The following LNPK variants were observed in gnomAD, a reference collection of about 807,000 sequenced individuals.
The protein encoded by LNPK is endoplasmic reticulum junction formation protein lunapark.
In LNPK, 29 loss-of-function variants were observed where a neutral mutation model predicts 55.2. The observed-to-expected ratio is 0.53, with a 90% CI of 0.39 to 0.72. The LOEUF is 0.72. Among genes scored for constraint, LNPK ranks in the 30% least tolerant of loss-of-function variants. LNPK has a pLI of 0.00. For synonymous variants in LNPK, 162 were observed against 168.2 expected (o/e 0.96, Z 0.29); for missense variants, 467 against 494.8 (o/e 0.94, Z 0.53).
chr2:175,991,631 T>G (rs1687706747), intron 4 of LNPK, among the ~76,000 whole-genome samples: 1 of 152,210 alleles, frequency 6.6e-6, no homozygotes, highest in South Asian at 2.1e-4. Flanking sequence ...AGTCAGAGAA[T>G]TTTGTATTTT....
rs1252466123 is a variant in LNPK at position 175,928,565 on chromosome 2, AT to A, written c.*1401del. The A allele has an allele frequency of 6.6e-6, 1 of 151,036 alleles. No individual in the cohort carries two copies. Among genetic ancestry groups the A allele is most frequent in the African/African-American group, 2.4e-5 (1 of 41,198 alleles). The allele number at this position is 151,036 out of a possible 1,614,324, so 9.4% of individuals were successfully genotyped here. ...ATGAGATATTAAATCATAAAAATAG[AT>A]TTTTAAATGATAAAAATGTTTTGTT... is the stretch of plus-strand genomic sequence containing the variant. On this transcript the variant is annotated 3_prime_UTR_variant, in exon 13 of 13. Transcript: ENST00000272748.
intron 11 of LNPK, 144 bp from the exon 12 acceptor site, chr2:175,937,658 G>A (rs1684621033): frequency 1.7e-6 from 1 of 584,118 alleles, no homozygotes; most frequent in Non-Finnish European, 3.0e-6. Flanking sequence ...TAATAATATG[G>A]TAGATGCTCT....
Position 175,995,609 on chromosome 2 carries a change from A to T in LNPK, c.-25T>A, listed in dbSNP as rs77084246. The T allele has an allele frequency of 4.9e-3, 7,758 of 1,588,446 alleles. 323 individuals are homozygous for T. The African/African-American group carries it at 0.087, about 18-fold the overall frequency. ...TCTTTTATTTGTAGAAACTGGGCAC[A>T]ATGATAAATATCATCAATTGTCCAA... On this transcript the variant is annotated 5_prime_UTR_variant, in exon 2 of 13. Transcript: ENST00000272748.
intron 9 of LNPK, among the ~76,000 whole-genome samples, chr2:175,942,593 A>C (rs1229994608): frequency 1.3e-5 from 2 of 152,114 alleles, no homozygotes; most frequent in Middle Eastern, 3.2e-3. Context: ...CCCAGGATTC[A>C]AAGAAAAAAT....
intron 8 of LNPK, among the ~76,000 whole-genome samples, chr2:175,956,242 T>C (rs2105594663): frequency 7.0e-6 from 1 of 142,520 alleles, no homozygotes; most frequent in South Asian, 2.2e-4. Context: ...ATGACACCAC[T>C]GCACTCCAGC....
chr2:175,989,191 C>T (rs1459569743), intron 4 of LNPK, among the ~76,000 whole-genome samples: 31 of 152,120 alleles, frequency 2.0e-4, no homozygotes, highest in Admixed American at 2.0e-3. Context: ...ACATGTGCTA[C>T]TTGTGGGGAG....
intron 1 of LNPK, 140 bp downstream of exon 1, chr2:176,002,020 G>C: frequency 3.4e-6 from 1 of 294,030 alleles, no homozygotes; most frequent in Non-Finnish European, 6.7e-6. Context: ...AGCCGCCGCA[G>C]AGCTCTAGGC....
chr2:175,936,044 G>T (rs1488873790), intron 12 of LNPK, among the ~76,000 whole-genome samples: 1 of 151,914 alleles, frequency 6.6e-6, no homozygotes, highest in Non-Finnish European at 1.5e-5. Flanking sequence ...TTAATTTTCA[G>T]TTCCAAAAGG....
intron 8 of LNPK, among the ~76,000 whole-genome samples, chr2:175,956,817 C>T (rs751656383): frequency 6.6e-6 from 1 of 152,026 alleles, no homozygotes; most frequent in Non-Finnish European, 1.5e-5. Flanking sequence ...CAGCTCCTGG[C>T]CCCCTTATCA....
chr2:175,942,751 G>A (rs748800697), intron 9 of LNPK, among the ~76,000 whole-genome samples: 15 of 151,348 alleles, frequency 9.9e-5, no homozygotes, highest in Non-Finnish European at 2.1e-4. Flanking sequence ...CATAATTTCA[G>A]CTTCCACATT....
intron 8 of LNPK, among the ~76,000 whole-genome samples, chr2:175,951,584 C>T (rs1251619390): frequency 9.9e-5 from 9 of 90,716 alleles, no homozygotes; most frequent in African/African-American, 2.7e-4. Flanking sequence ...TTCCATCATT[C>T]ATATATATAT....
intron 3 of LNPK, 107 bp downstream of exon 3, chr2:175,993,075 A>G: frequency 1.5e-6 from 1 of 670,364 alleles, no homozygotes. Context: ...ACTCTATATC[A>G]TTTCTAAATT....
chr2:175,933,557 G>GGTT (rs913229368), intron 12 of LNPK, among the ~76,000 whole-genome samples: 1 of 151,702 alleles, frequency 6.6e-6, no homozygotes, highest in African/African-American at 2.4e-5. Flanking sequence ...TAAGGAAAAT[G>GGTT]GCTAACTCAT....
At chr2:175,994,955 T>A (rs1248367829) in intron 2 of LNPK, among the ~76,000 whole-genome samples, 1 of 132,658 alleles carries the variant, frequency 7.5e-6, no homozygotes, top group Non-Finnish European at 1.5e-5. Context: ...TGAGTCTTGC[T>A]CCGTCACCCA....
At chr2:175,933,586 T>C (rs947303719) in intron 12 of LNPK, among the ~76,000 whole-genome samples, 7 of 152,136 alleles carry the variant, frequency 4.6e-5, no homozygotes, top group Non-Finnish European at 1.0e-4. Context: ...AACAAAGGTA[T>C]AAATTTCACC....
Position 175,929,587 on chromosome 2 carries a change from A to T in LNPK, c.*380T>A. ...AATCTTAACCAAGTTTCATTCCTTAAAACAAACACAATTAGAGAACTTACT... is the reference window on the plus strand; with the variant it reads ...AATCTTAACCAAGTTTCATTCCTTATAACAAACACAATTAGAGAACTTACT... On this transcript the variant is annotated 3_prime_UTR_variant, in exon 13 of 13. Transcript: ENST00000272748. 1.0e-6 allele frequency: 1 copy of T among 1,003,290 alleles called. No individual in the cohort carries two copies. Among genetic ancestry groups the T allele is most frequent in the Non-Finnish European group, 1.2e-6 (1 of 841,334 alleles). The allele number at this position is 1,003,290 out of a possible 1,614,324, so 62.1% of individuals were successfully genotyped here. A position where few individuals can be genotyped will look rare whatever the true frequency, so the allele number is the denominator to read the frequency against.
intron 4 of LNPK, among the ~76,000 whole-genome samples, chr2:175,989,050 C>G (rs529565178): frequency 1.3e-5 from 2 of 152,314 alleles, no homozygotes; most frequent in African/African-American, 4.8e-5. Flanking sequence ...GCTGGGATTA[C>G]AGGCGTGAGC....
At chr2:175,988,074 C>T (rs1161248726) in intron 4 of LNPK, among the ~76,000 whole-genome samples, 2 of 152,070 alleles carry the variant, frequency 1.3e-5, no homozygotes, top group Non-Finnish European at 2.9e-5. Flanking sequence ...TTTCACCAAC[C>T]TTCATATATG....
At chr2:175,940,192 TAGAG>T (rs1006377528) in intron 9 of LNPK, among the ~76,000 whole-genome samples, 1 of 151,946 alleles carries the variant, frequency 6.6e-6, no homozygotes, top group East Asian at 1.9e-4. Context: ...TTATTGCCTA[TAGAG>T]AGTTTCCACT....
Sources: allele counts gnomAD v4.1 joint callset (sites outside exome capture counted in the v4.1 genomes callset), GRCh38; gene constraint gnomAD v4.1.1; transcripts MANE v1.5; gene names NCBI Gene and HGNC (gene_info 2026-07-23, HGNC 2026-07-21).